CDH23: variants seen among roughly 807,000 people sequenced by gnomAD.
CDH23 encodes cadherin-23.
CDH23 carries 189 observed loss-of-function variants against 317.1 expected under a neutral mutation model. That is an observed-to-expected ratio of 0.60 (90% CI 0.53 to 0.67). The LOEUF (loss-of-function observed/expected upper bound fraction) is 0.67. Among genes scored for constraint, CDH23 ranks in the 30% least tolerant of loss-of-function variants. CDH23 has a pLI of 0.00. For synonymous variants in CDH23, 1,839 were observed against 1,876.8 expected (o/e 0.98, Z 0.52); for missense variants, 4,401 against 4,592.4 (o/e 0.96, Z 1.20).
chr10:71,752,757 G>A (rs1416671482), intron 38 of CDH23, among the ~76,000 whole-genome samples: 2 of 152,126 alleles, frequency 1.3e-5, no homozygotes, highest in Non-Finnish European at 2.9e-5. Flanking sequence ...GAAGGTGGGT[G>A]CATGACACAT....
intron 14 of CDH23, among the ~76,000 whole-genome samples, chr10:71,668,891 T>A (rs1864025408): frequency 6.6e-6 from 1 of 152,250 alleles, no homozygotes; most frequent in Non-Finnish European, 1.5e-5. Context: ...AAAATTACAC[T>A]TCTGCCGGCA....
In CDH23 at chr10:71,426,141, G is replaced by A. The variant is rs529480380; in HGVS notation, c.-5-13686G>A. 3.1e-4 allele frequency among the ~76,000 whole-genome samples: 47 copies of A among 152,208 alleles called. 1 individual carries two copies. Among genetic ancestry groups the A allele is most frequent in the Non-Finnish European group, 3.8e-4 (26 of 68,026 alleles). On this transcript the variant is annotated intron_variant, in intron 1 of 69. Transcript: ENST00000224721. The stretch of plus-strand genomic sequence containing the variant: ...GTGGAAGTTGAACAGGCGGACACTA[G>A]GAGTGGCCTTGGCCTCACCCATAGT...
At chr10:71,668,536 G>A (rs374715908) in intron 14 of CDH23, among the ~76,000 whole-genome samples, 3 of 152,328 alleles carry the variant, frequency 2.0e-5, no homozygotes, top group African/African-American at 4.8e-5. Context: ...TGGCCAAGTC[G>A]ATTGATCTCT....
intron 44 of CDH23, among the ~76,000 whole-genome samples, chr10:71,786,646 C>G (rs976277443): frequency 1.3e-5 from 2 of 151,978 alleles, no homozygotes; most frequent in Non-Finnish European, 2.9e-5. Context: ...TACATGCACA[C>G]GCCACCTTGC....
chr10:71,639,901 T>C (rs1348049598), intron 11 of CDH23, among the ~76,000 whole-genome samples: 3 of 152,124 alleles, frequency 2.0e-5, no homozygotes, highest in East Asian at 1.9e-4. Flanking sequence ...CAAGCAGGAA[T>C]TGGCCAGCTG....
At chr10:71,754,989 C>T in intron 38 of CDH23, 1 of 432,898 alleles carries the variant, frequency 2.3e-6, no homozygotes, top group South Asian at 1.6e-5. Context: ...ACAATTGCTA[C>T]TAATTACAAA....
intron 9 of CDH23, among the ~76,000 whole-genome samples, chr10:71,592,677 C>T (rs1003923973): frequency 1.5e-4 from 23 of 152,184 alleles, no homozygotes; most frequent in African/African-American, 4.8e-4. Flanking sequence ...GCTAATCTCC[C>T]ATTGCAAGAT....
chr10:71,409,878 G>T (rs1171507698), intron 1 of CDH23, among the ~76,000 whole-genome samples: 1 of 152,142 alleles, frequency 6.6e-6, no homozygotes. Flanking sequence ...AGACACACTG[G>T]CCTGCCTGTA....
chr10:71,738,704 C>T (rs1209811193), intron 35 of CDH23, 57 bp downstream of exon 35: 6 of 1,582,790 alleles, frequency 3.8e-6, no homozygotes, highest in Non-Finnish European at 4.3e-6. Context: ...TCCCACAGCT[C>T]TCACAGCTGG....
At chr10:71,587,157 G>A (rs562376972) in intron 9 of CDH23, among the ~76,000 whole-genome samples, 34 of 152,334 alleles carry the variant, frequency 2.2e-4, no homozygotes, top group South Asian at 1.5e-3. Flanking sequence ...GCTTAGGGCC[G>A]CATGGCAAAT....
At chr10:71,539,849 C>T (rs1270139594) in intron 6 of CDH23, among the ~76,000 whole-genome samples, 1 of 152,136 alleles carries the variant, frequency 6.6e-6, no homozygotes, top group Admixed American at 6.5e-5. Context: ...TTCTCCCTCT[C>T]CTGCTTGCTC....
At chr10:71,408,019 A>C (rs953161576) in intron 1 of CDH23, among the ~76,000 whole-genome samples, 3 of 152,208 alleles carry the variant, frequency 2.0e-5, no homozygotes, top group African/African-American at 7.2e-5. Context: ...AGTATGTGTC[A>C]TTGTAATTAA....
At chr10:71,700,108 T>C (rs1865527300) in intron 22 of CDH23, among the ~76,000 whole-genome samples, 1 of 152,194 alleles carries the variant, frequency 6.6e-6, no homozygotes, top group Admixed American at 6.5e-5. Context: ...TCCCCCAGGC[T>C]GGGTGCGGTC....
At chr10:71,615,894 A>G (rs376197945) in intron 10 of CDH23, among the ~76,000 whole-genome samples, 7 of 152,354 alleles carry the variant, frequency 4.6e-5, no homozygotes, top group Non-Finnish European at 1.5e-5. Context: ...GGCACACAGT[A>G]GGTGCTCATC....
At chr10:71,535,429 A>G (rs1455462310) in intron 6 of CDH23, among the ~76,000 whole-genome samples, 4 of 152,174 alleles carry the variant, frequency 2.6e-5, no homozygotes, top group African/African-American at 9.6e-5. Flanking sequence ...CACCTCCTGC[A>G]TGAGCCTGAC....
intron 44 of CDH23, among the ~76,000 whole-genome samples, chr10:71,787,197 G>A (rs188439309): frequency 6.6e-6 from 1 of 152,098 alleles, no homozygotes; most frequent in African/African-American, 2.4e-5. Flanking sequence ...CCGTGAAGGA[G>A]TTAAATCCCT....
chr10:71,737,956 T>C, intron 34 of CDH23: 1 of 389,260 alleles, frequency 2.6e-6, no homozygotes, highest in Non-Finnish European at 5.3e-6. Flanking sequence ...TGCAGCCCCC[T>C]CCTGCTCCTG....
chr10:71,655,551 G>C (rs1863381411), intron 14 of CDH23, among the ~76,000 whole-genome samples: 1 of 152,060 alleles, frequency 6.6e-6, no homozygotes, highest in African/African-American at 2.4e-5. Flanking sequence ...GCCCCAGCAT[G>C]CTGTGTGCCT....
At chr10:71,698,314 G>A (rs1865466378) in intron 22 of CDH23, among the ~76,000 whole-genome samples, 2 of 152,188 alleles carry the variant, frequency 1.3e-5, no homozygotes, top group South Asian at 4.1e-4. Context: ...ACATGGGTAT[G>A]TCTCATTACC....
Sources: allele counts gnomAD v4.1 joint callset (sites outside exome capture counted in the v4.1 genomes callset), GRCh38; gene constraint gnomAD v4.1.1; transcripts MANE v1.5; gene names NCBI Gene and HGNC (gene_info 2026-07-23, HGNC 2026-07-21).